Variants in CPNE4 observed in about 807,000 individuals in gnomAD.
The protein encoded by CPNE4 is copine 4.
Under a neutral mutation model 67.9 loss-of-function variants are expected in CPNE4, and 25 were observed. That is an observed-to-expected ratio of 0.37 (90% CI 0.27 to 0.51). CPNE4 has a LOEUF of 0.51. Among genes scored for constraint, CPNE4 ranks in the 20% least tolerant of loss-of-function variants. The probability of loss-of-function intolerance (pLI) is 0.93; values close to 1 mark genes in which losing one functional copy is unlikely to be tolerated. For missense variants in CPNE4, 464 were observed against 690.8 expected, an observed-to-expected ratio of 0.67 and a Z score of 3.68; for synonymous variants, 242 against 244.9, an observed-to-expected ratio of 0.99 and a Z score of 0.11.
intron 1 of CPNE4, among the ~76,000 whole-genome samples, chr3:132,000,513 A>T (rs1022710759): frequency 6.6e-6 from 1 of 150,650 alleles, no homozygotes; most frequent in Non-Finnish European, 1.5e-5. Context: ...ATAAATAAAT[A>T]AAATATCAAA....
intron 15 of CPNE4, among the ~76,000 whole-genome samples, chr3:131,541,203 A>ATACTC (rs1935463577): frequency 6.6e-6 from 1 of 152,196 alleles, no homozygotes; most frequent in African/African-American, 2.4e-5. Context: ...CACAGCTAGG[A>ATACTC]TACTCTAGAG....
At chr3:131,556,448 C>T (rs1190745514) in intron 11 of CPNE4, among the ~76,000 whole-genome samples, 1 of 152,050 alleles carries the variant, frequency 6.6e-6, no homozygotes, top group Non-Finnish European at 1.5e-5. Context: ...CTCTACATGA[C>T]TCATTGTGCC....
chr3:131,820,569 A>G (rs2084925131), intron 2 of CPNE4, among the ~76,000 whole-genome samples: 1 of 152,250 alleles, frequency 6.6e-6, no homozygotes, highest in South Asian at 2.1e-4. Flanking sequence ...CATACTATGC[A>G]AATAATGTTT....
intron 1 of CPNE4, among the ~76,000 whole-genome samples, chr3:131,954,678 A>T (rs2071886236): frequency 6.6e-6 from 1 of 152,048 alleles, no homozygotes; most frequent in African/African-American, 2.4e-5. Flanking sequence ...CCAGTGTGTG[A>T]TGTTCCCCAT....
intron 1 of CPNE4, among the ~76,000 whole-genome samples, chr3:131,940,736 T>TA (rs1260203044): frequency 6.6e-6 from 1 of 151,926 alleles, no homozygotes; most frequent in African/African-American, 2.4e-5. Flanking sequence ...TGATCCAGAA[T>TA]AAAAAAGGGG....
intron 1 of CPNE4, among the ~76,000 whole-genome samples, chr3:132,012,174 T>TC (rs1491553384): frequency 0.019 from 115 of 5,936 alleles, no homozygotes; most frequent in African/African-American, 0.025. Flanking sequence ...TGCTTTTTCG[T>TC]TTTTTTTTTT....
intron 6 of CPNE4, among the ~76,000 whole-genome samples, chr3:131,679,172 G>T (rs1242765589): frequency 6.6e-6 from 1 of 152,020 alleles, no homozygotes; most frequent in East Asian, 1.9e-4. Context: ...GTATCTATCT[G>T]TCCAGGAATT....
At chr3:131,789,059 G>A (rs530456485) in intron 2 of CPNE4, among the ~76,000 whole-genome samples, 245 of 149,684 alleles carry the variant, frequency 1.6e-3, no homozygotes, top group Non-Finnish European at 2.7e-3. Flanking sequence ...GAGAGAGAGA[G>A]AAAGACTTTT....
At chr3:131,959,207 A>G (rs61793592) in intron 1 of CPNE4, among the ~76,000 whole-genome samples, 3 of 46,098 alleles carry the variant, frequency 6.5e-5, no homozygotes, top group South Asian at 1.2e-3. Flanking sequence ...TCACCGTTTT[A>G]GCCAGGATGG....
intron 2 of CPNE4, among the ~76,000 whole-genome samples, chr3:131,878,153 T>C (rs574215184): frequency 1.2e-4 from 18 of 152,284 alleles, no homozygotes; most frequent in East Asian, 1.9e-4. Context: ...CATATGCTCA[T>C]TGAAATGATC....
At chr3:131,632,251 T>C (rs111671640) in intron 7 of CPNE4, among the ~76,000 whole-genome samples, 41,570 of 151,414 alleles carry the variant, frequency 0.27, 9,356 homozygotes, top group African/African-American at 0.62. Flanking sequence ...CTCAGGTGAT[T>C]CACCCACCTT....
chr3:131,950,862 G>A (rs188980738), intron 1 of CPNE4, among the ~76,000 whole-genome samples: 21 of 152,186 alleles, frequency 1.4e-4, no homozygotes, highest in Admixed American at 5.2e-4. Context: ...CCATGAATCC[G>A]AGGCACATAA....
intron 2 of CPNE4, among the ~76,000 whole-genome samples, chr3:131,818,611 G>A (rs965470918): frequency 6.6e-6 from 1 of 152,176 alleles, no homozygotes; most frequent in African/African-American, 2.4e-5. Context: ...TGCCTAACCT[G>A]TTGAATCAGA....
intron 15 of CPNE4, among the ~76,000 whole-genome samples, chr3:131,538,326 C>T (rs1263154558): frequency 6.6e-6 from 1 of 152,200 alleles, no homozygotes; most frequent in Non-Finnish European, 1.5e-5. Flanking sequence ...ACGTAAGTAG[C>T]TACATGTGGT....
chr3:131,911,569 G>GTGTA, intron 1 of CPNE4, among the ~76,000 whole-genome samples: 1 of 151,594 alleles, frequency 6.6e-6, no homozygotes, highest in Non-Finnish European at 1.5e-5. Flanking sequence ...GTGTGTGTGT[G>GTGTA]TGTGTGTGTG....
chr3:131,810,774 TA>T (rs1560369513), intron 2 of CPNE4, among the ~76,000 whole-genome samples: 1 of 152,062 alleles, frequency 6.6e-6, no homozygotes, highest in East Asian at 1.9e-4. Context: ...CCAAGATATG[TA>T]AACAACCTAA....
intron 1 of CPNE4, among the ~76,000 whole-genome samples, chr3:132,025,860 C>T (rs946540957): frequency 3.3e-5 from 5 of 152,234 alleles, no homozygotes; most frequent in Non-Finnish European, 5.9e-5. Context: ...TACCTACCTA[C>T]ATACAACACA....
chr3:131,926,806 A>G (rs1008239824), intron 1 of CPNE4, among the ~76,000 whole-genome samples: 6 of 152,168 alleles, frequency 3.9e-5, no homozygotes, highest in Non-Finnish European at 8.8e-5. Context: ...ACCCTAGAGA[A>G]AGGTGACTAT....
chr3:131,868,907 T>C (rs565824999), intron 2 of CPNE4, among the ~76,000 whole-genome samples: 15 of 152,220 alleles, frequency 9.9e-5, no homozygotes, highest in South Asian at 6.2e-4. Flanking sequence ...GGACACCACC[T>C]CTGTAAAGGA....
Sources: gnomAD v4.1 joint callset for allele counts (sites outside exome capture counted in the v4.1 genomes callset) on GRCh38, gnomAD v4.1.1 for gene constraint, MANE v1.5 for transcripts, NCBI Gene and HGNC (gene_info 2026-07-23, HGNC 2026-07-21) for gene names.